The following GBP4 variants were observed in gnomAD, a reference collection of about 807,000 sequenced individuals.
GBP4 encodes guanylate-binding protein 4.
A neutral mutation model predicts 62.2 loss-of-function variants in GBP4; 69 were observed. The ratio of observed to expected loss-of-function variants is 1.11; its 90% CI spans 0.91 to 1.36. The LOEUF (loss-of-function observed/expected upper bound fraction) is 1.36. Among genes scored for constraint, GBP4 ranks in the 40% most tolerant of loss-of-function variants. GBP4 has a pLI of 0.00. For missense variants in GBP4, 697 were observed against 759.3 expected, an observed-to-expected ratio of 0.92 and a Z score of 0.96; for synonymous variants, 278 against 274.6, an observed-to-expected ratio of 1.01 and a Z score of -0.12.
At chr1:89,192,572 A>G (rs1318731397) in intron 5 of GBP4, among the ~76,000 whole-genome samples, 1 of 152,258 alleles carries the variant, frequency 6.6e-6, no homozygotes, top group African/African-American at 2.4e-5. Flanking sequence ...GAGCATTTGA[A>G]GCTAATAAGT....
In GBP4 at chr1:89,192,978, G is replaced by A. The variant is rs1648229037; in HGVS notation, c.596C>T (p.Thr199Ile). The A allele has an allele frequency of 6.2e-7, 1 of 1,614,058 alleles. No individual in the cohort carries two copies. Among genetic ancestry groups the A allele is most frequent in the Non-Finnish European group, 8.5e-7 (1 of 1,180,010 alleles). ...PDFIWTVRDF[T>I]LELKLDGNPI... ...GTTTCCATCTAACTTTAGCTCCAGG[G>A]TAAAATCCCGAACAGTCCAAATAAA... is the stretch of plus-strand genomic sequence containing the variant. Residue 199 changes from threonine to isoleucine, a missense_variant, in exon 5 of 11, where the codon ACC becomes ATC. By Grantham distance (89) the Thr-to-Ile change is moderately conservative (BLOSUM62 -1). This residue lies in a region of GBP4 where 556 missense variants were observed against 562.7 expected (regional missense o/e 0.99). Transcript: ENST00000355754.
Position 89,188,785 on chromosome 1 carries a change from C to G in GBP4, c.1207G>C (p.Glu403Gln), listed in dbSNP as rs746873303. 3 of 1,614,146 alleles carry G rather than the reference C, an allele frequency of 1.9e-6. No individual in the cohort carries two copies. Among genetic ancestry groups the G allele is most frequent in the East Asian group, 2.2e-5 (1 of 44,876 alleles). The change falls in exon 8 of 11, where the codon GAG becomes CAG. Residue 403 changes from glutamate (E) to glutamine (Q), a missense_variant. This residue lies in a region of GBP4 where 556 missense variants were observed against 562.7 expected (regional missense o/e 0.99). Transcript: ENST00000355754. ...AGCACAAAGTCTCCCTTCTTTTTCTCTATGGTGTCCTGCCAGAAAAATGTA... is the reference window on the plus strand; with the variant it reads ...AGCACAAAGTCTCCCTTCTTTTTCTGTATGGTGTCCTGCCAGAAAAATGTA... ...EFQKKLVDTI[E>Q]KKKGDFVLQN...
chr1:89,182,880 T>C lies in GBP4; in HGVS notation c.*2374A>G, dbSNP rs372502549. On this transcript the variant is annotated 3_prime_UTR_variant, in exon 11 of 11. Coordinates refer to ENST00000355754, the MANE Select transcript of GBP4 (RefSeq NM_052941.5). ...TGTTGTTTTTTCTTAAAACAGGTAC[T>C]GAGTATCAAACAATATAAAACAATA... The C allele has an allele frequency of 2.0e-5, 3 of 152,212 alleles. No individual in the cohort carries two copies. Among genetic ancestry groups the C allele is most frequent in the African/African-American group, 7.2e-5 (3 of 41,442 alleles). 9.4% of individuals were successfully genotyped at this position (152,212 alleles called of 1,614,324 possible).
chr1:89,195,478 C>T, intron 2 of GBP4, 54 bp from the exon 3 acceptor site: 1 of 1,601,412 alleles, frequency 6.2e-7, no homozygotes, highest in Non-Finnish European at 8.5e-7. Flanking sequence ...CCAGGATGTC[C>T]CAGGATTACA....
chr1:89,186,101 G>T (rs928194286), intron 10 of GBP4, among the ~76,000 whole-genome samples: 2 of 152,200 alleles, frequency 1.3e-5, no homozygotes, highest in African/African-American at 4.8e-5. Context: ...ACAGCAGCCT[G>T]GGACCCTGGG....
In GBP4 at chr1:89,187,082, G is replaced by A; in HGVS notation, c.1431C>T (p.Asn477=). 6.2e-7 allele frequency: 1 copy of A among 1,614,158 alleles called. No individual in the cohort carries two copies. Among genetic ancestry groups the A allele is most frequent in the Non-Finnish European group, 8.5e-7 (1 of 1,179,986 alleles). The change falls in exon 9 of 11, where the codon AAC becomes AAT. Residue 477 remains asparagine (N), a synonymous_variant. Coordinates refer to ENST00000355754, the MANE Select transcript of GBP4 (RefSeq NM_052941.5). ...KGVKANEVLQ[N]FLQSQVVVEE... is the part of the protein sequence containing the mutation. ...CTACAACCACCTGTGACTGCAGGAAGTTCTGGAGGACCTCGTTTGCCTGAG... is the reference window on the plus strand; with the variant it reads ...CTACAACCACCTGTGACTGCAGGAAATTCTGGAGGACCTCGTTTGCCTGAG...
At chr1:89,198,358 A>C (rs1489227905) in intron 1 of GBP4, among the ~76,000 whole-genome samples, 4 of 152,162 alleles carry the variant, frequency 2.6e-5, no homozygotes, top group Non-Finnish European at 4.4e-5. Flanking sequence ...GCCGAGATGC[A>C]GACTGTCTGG....
intron 8 of GBP4, 151 bp from the exon 9 acceptor site, chr1:89,187,253 A>G: frequency 1.5e-6 from 1 of 651,398 alleles, no homozygotes; most frequent in Non-Finnish European, 2.7e-6. Context: ...CACAGCCACA[A>G]GAAGTCCAAG....
chr1:89,198,650 T>A (rs1344533309), intron 1 of GBP4, 145 bp downstream of exon 1: 8 of 746,562 alleles, frequency 1.1e-5, no homozygotes, highest in Non-Finnish European at 2.4e-6. Context: ...AGCATCAGAC[T>A]TCCCCGCGAG....
chr1:89,186,398 T>G lies in GBP4; in HGVS notation c.1642A>C (p.Lys548Gln). 7.0e-7 allele frequency: 1 copy of G among 1,429,298 alleles called. No homozygotes were observed. The highest frequency in any genetic ancestry group is 9.9e-7 in the Non-Finnish European group (1 of 1,010,986). 88.5% of individuals were successfully genotyped at this position (1,429,298 alleles called of 1,614,324 possible). ...AGGTTTTCCCTTTCCTCCTCCAACT[T>G]CTTCTCCATTTGGGCCATGTATTCC... The part of the protein sequence containing the change: ...FQEYMAQMEK[K>Q]LEEERENLLR... Residue 548 changes from lysine to glutamine, a missense_variant, in exon 10 of 11, where the codon AAG (lysine) becomes CAG (glutamine). This residue lies in a region of GBP4 where 141 missense variants were observed against 196.6 expected (regional missense o/e 0.72). Coordinates refer to ENST00000355754, the MANE Select transcript of GBP4 (RefSeq NM_052941.5).
Sources: gnomAD v4.1 joint callset for allele counts (sites outside exome capture counted in the v4.1 genomes callset) on GRCh38, gnomAD v4.1.1 for gene constraint, gnomAD v4.1.1 regional missense constraint, MANE v1.5 for transcripts, NCBI Gene and HGNC (gene_info 2026-07-23, HGNC 2026-07-21) for gene names.